Variants in MFSD1 observed in about 807,000 individuals in gnomAD.
MFSD1 encodes major facilitator superfamily domain containing 1, also known as lysosomal dipeptide transporter MFSD1.
In MFSD1, 59 loss-of-function variants were observed where a neutral mutation model predicts 67.1. The ratio of observed to expected loss-of-function variants is 0.88; its 90% CI spans 0.71 to 1.09. MFSD1 has a LOEUF of 1.09. Among genes scored for constraint, MFSD1 ranks in the 50% least tolerant of loss-of-function variants. The pLI is 0.00. For synonymous variants in MFSD1, 213 were observed against 200.3 expected (o/e 1.06, Z -0.54); for missense variants, 552 against 566.1 (o/e 0.97, Z 0.25).
intron 6 of MFSD1, among the ~76,000 whole-genome samples, chr3:158,809,619 T>C (rs1729900856): frequency 6.6e-6 from 1 of 152,180 alleles, no homozygotes; most frequent in African/African-American, 2.4e-5. Context: ...CAGGTTCAGT[T>C]TGCAATATTT....
At chr3:158,824,392 T>C in intron 13 of MFSD1, 156 bp downstream of exon 13, 4 of 627,624 alleles carry the variant, frequency 6.4e-6, no homozygotes, top group Admixed American at 2.9e-5. Flanking sequence ...TTCACAGGCA[T>C]TTTTTAGGAG....
chr3:158,804,148 G>A (rs1429273898), intron 1 of MFSD1, 171 bp from the exon 2 acceptor site: 3 of 542,982 alleles, frequency 5.5e-6, no homozygotes, highest in South Asian at 2.6e-5. Context: ...ATTTATGGAA[G>A]TTATTTGATA....
chr3:158,820,366 TATC>T, intron 9 of MFSD1, 40 bp downstream of exon 9: 1 of 1,353,056 alleles, frequency 7.4e-7, no homozygotes. Context: ...TTGTCTAAAT[TATC>T]ATGAGAGTTC....
Position 158,823,109 on chromosome 3 carries a change from T to G in MFSD1, c.1078-319T>G, listed in dbSNP as rs139142230. 4.4e-4 allele frequency: 119 copies of G among 269,750 alleles called. 1 individual carries two copies. The highest frequency in any genetic ancestry group is 1.0e-3 in the African/African-American group (47 of 46,086). The allele number at this position is 269,750 out of a possible 1,614,324, so 16.7% of individuals were successfully genotyped here. On this transcript the variant is annotated intron_variant, in intron 11 of 15. Transcript: ENST00000415822. ...TGGAAAATTAGCTTGCCTGAAACAT[T>G]GGTAAGAACTTTTTAAAAATTACCT...
intron 15 of MFSD1, among the ~76,000 whole-genome samples, chr3:158,827,933 A>AGC (rs1731082500): frequency 3.0e-5 from 1 of 33,332 alleles, no homozygotes; most frequent in East Asian, 5.2e-4. Flanking sequence ...AGAGAGAGAG[A>AGC]GAGAGAGAGG....
intron 7 of MFSD1, among the ~76,000 whole-genome samples, chr3:158,817,189 A>T (rs1730410162): frequency 6.6e-6 from 1 of 152,164 alleles, no homozygotes; most frequent in South Asian, 2.1e-4. Context: ...AAACTGGCAC[A>T]AGACAGGGAT....
chr3:158,807,532 A>C, intron 5 of MFSD1, 69 bp downstream of exon 5: 1 of 1,287,854 alleles, frequency 7.8e-7, no homozygotes, highest in Non-Finnish European at 1.1e-6. Flanking sequence ...AAAGATCTTT[A>C]AAAAACCTTG....
chr3:158,819,232 G>T (rs1215293649), intron 7 of MFSD1, among the ~76,000 whole-genome samples: 8 of 152,166 alleles, frequency 5.3e-5, no homozygotes, highest in Non-Finnish European at 1.0e-4. Flanking sequence ...GGAAAACATC[G>T]GAAGGAAGAG....
In MFSD1 at chr3:158,823,526, G is replaced by A; in HGVS notation, c.1175+1G>A. The A allele has an allele frequency of 2.5e-6, 4 of 1,596,184 alleles. No homozygotes were observed. Among genetic ancestry groups the A allele is most frequent in the Non-Finnish European group, 3.4e-6 (4 of 1,163,682 alleles). ...ATCAGCTGGGAACTGCATATGGCTT[G>A]TAAGTATTTACGCTGTGGATCGTAT... is the stretch of plus-strand genomic sequence containing the variant. On this transcript the variant is annotated splice_donor_variant, in intron 12 of 15. Transcript: ENST00000415822. LOFTEE classifies it high-confidence loss of function.
In MFSD1 at chr3:158,823,841, A is replaced by G. The variant is rs143818616; in HGVS notation, c.1176-283A>G. 3.2e-3 allele frequency among the ~76,000 whole-genome samples: 482 copies of G among 152,236 alleles called. 5 individuals are homozygous for G. The highest frequency in any genetic ancestry group is 0.011 in the African/African-American group (455 of 41,530). ...CAGAAAGGCAGAGGGGGGAAACCGC[A>G]CCTGTGGTTGATATTCACATGGCCC... On this transcript the variant is annotated intron_variant, in intron 12 of 15. Coordinates refer to ENST00000415822, the MANE Select transcript of MFSD1 (RefSeq NM_022736.4).
intron 5 of MFSD1, among the ~76,000 whole-genome samples, chr3:158,807,968 G>T (rs548285357): frequency 6.6e-6 from 1 of 152,308 alleles, no homozygotes; most frequent in African/African-American, 2.4e-5. Context: ...CCTATTCTGA[G>T]ACCAGCCTTG....
chr3:158,828,831 G>T (rs1731141527), intron 15 of MFSD1, 148 bp from the exon 16 acceptor site: 18 of 566,826 alleles, frequency 3.2e-5, no homozygotes, highest in Non-Finnish European at 5.2e-5. Flanking sequence ...TTAGGATCAA[G>T]AAGAGTTAAA....
At chr3:158,821,708 T>A (rs935449973) in intron 10 of MFSD1, 55 bp downstream of exon 10, 2 of 1,378,488 alleles carry the variant, frequency 1.5e-6, no homozygotes, top group African/African-American at 2.9e-5. Flanking sequence ...TGGGTCTTTA[T>A]AATCAAATGT....
Position 158,820,270 on chromosome 3 carries a change from A to G in MFSD1, c.807A>G (p.Ile269Met), listed in dbSNP as rs1019504998. 8.1e-6 allele frequency: 13 copies of G among 1,612,032 alleles called. No homozygotes were observed. The highest frequency in any genetic ancestry group is 1.0e-5 in the Non-Finnish European group (12 of 1,178,406). Residue 269 changes from isoleucine to methionine, a missense_variant, in exon 9 of 16, where the codon ATA becomes ATG. Transcript: ENST00000415822. ...ACTTCTCCTTACCCCTGTGGCTTAT[A>G]TTTATCATCTGTGTCTGCTATTATG... is the stretch of plus-strand genomic sequence containing the variant. ...VKDFSLPLWL[I>M]FIICVCYYVA...
intron 6 of MFSD1, among the ~76,000 whole-genome samples, chr3:158,810,696 G>A (rs537410089): frequency 2.1e-4 from 32 of 152,272 alleles, no homozygotes; most frequent in African/African-American, 7.5e-4. Flanking sequence ...TTCCAGAGAC[G>A]TTTACATCCC....
At chr3:158,812,961 A>C (rs548448592) in intron 6 of MFSD1, among the ~76,000 whole-genome samples, 59 of 151,968 alleles carry the variant, frequency 3.9e-4, no homozygotes, top group African/African-American at 1.4e-3. Context: ...AGGTATCCCC[A>C]CAGTTCGTTT....
At chr3:158,816,487 T>C (rs1360768655) in intron 7 of MFSD1, among the ~76,000 whole-genome samples, 3 of 152,338 alleles carry the variant, frequency 2.0e-5, no homozygotes, top group South Asian at 2.1e-4. Flanking sequence ...CTTCGCTCAC[T>C]TTTTGATGGG....
At chr3:158,820,074 G>A in intron 8 of MFSD1, 141 bp from the exon 9 acceptor site, 1 of 577,344 alleles carries the variant, frequency 1.7e-6, no homozygotes, top group Non-Finnish European at 3.1e-6. Context: ...AATGATGTTT[G>A]TGTAATTTAC....
intron 2 of MFSD1, 109 bp from the exon 3 acceptor site, chr3:158,805,253 A>G (rs938617066): frequency 7.8e-5 from 70 of 899,264 alleles, no homozygotes; most frequent in Non-Finnish European, 1.3e-4. Context: ...CTTGCCCTTT[A>G]CAGAAAGAAG....
Sources: gnomAD v4.1 joint callset for allele counts (sites outside exome capture counted in the v4.1 genomes callset) on GRCh38, gnomAD v4.1.1 for gene constraint, MANE v1.5 for transcripts, NCBI Gene and HGNC (gene_info 2026-07-23, HGNC 2026-07-21) for gene names.